Variants in KIF5B observed in about 807,000 individuals in gnomAD.
The protein encoded by KIF5B is kinesin-1 heavy chain.
KIF5B carries 49 observed loss-of-function variants against 132.8 expected under a neutral mutation model. The ratio of observed to expected loss-of-function variants is 0.37; its 90% CI spans 0.29 to 0.47. The LOEUF is 0.47. Ranked by LOEUF, KIF5B falls within the 20% of genes least tolerant of loss-of-function variation. The pLI, the probability that KIF5B is intolerant of heterozygous loss-of-function variation, is 1.00. For synonymous variants in KIF5B, 355 were observed against 369.4 expected (o/e 0.96, Z 0.45); for missense variants, 780 against 1,144.0 (o/e 0.68, Z 4.59).
intron 15 of KIF5B, among the ~76,000 whole-genome samples, chr10:32,026,367 G>A (rs556035303): frequency 5.7e-4 from 84 of 146,694 alleles, no homozygotes; most frequent in Non-Finnish European, 1.0e-3. Flanking sequence ...GAACCCGGGA[G>A]GCGGAGCTTG....
intron 4 of KIF5B, 36 bp downstream of exon 4, chr10:32,039,291 G>A: frequency 1.3e-6 from 1 of 762,754 alleles, no homozygotes; most frequent in Non-Finnish European, 2.2e-6. Flanking sequence ...TATTCTTGCT[G>A]TAAAATAAAA....
At chr10:32,016,254 C>T (rs1003781444) in intron 24 of KIF5B, among the ~76,000 whole-genome samples, 9 of 151,878 alleles carry the variant, frequency 5.9e-5, no homozygotes, top group Admixed American at 5.2e-4. Flanking sequence ...GTCAGGAGTA[C>T]GAGACCAGCC....
intron 14 of KIF5B, among the ~76,000 whole-genome samples, chr10:32,030,451 G>A (rs1186960567): frequency 1.3e-5 from 2 of 151,128 alleles, no homozygotes; most frequent in Non-Finnish European, 2.9e-5. Flanking sequence ...GGAGGCAGAG[G>A]ATGCAGTGAG....
chr10:32,027,972 C>T (rs568585808), intron 15 of KIF5B, among the ~76,000 whole-genome samples: 32 of 151,890 alleles, frequency 2.1e-4, no homozygotes, highest in African/African-American at 7.2e-4. Context: ...TTTTTAAGCA[C>T]GAATTTTTTT....
Position 32,018,115 on chromosome 10 carries a change from A to G in KIF5B, c.2481T>C (p.Ala827=). The change falls in exon 23 of 26, where the codon GCT becomes GCC. Residue 827 remains alanine (A), a synonymous_variant. Coordinates refer to ENST00000302418, the MANE Select transcript of KIF5B (RefSeq NM_004521.3). ...CAAGAAAGGAGATTTTTTGCTTCTG[A>G]GCAGCGCTGCCTCCGGTGTCATCAG... The part of the protein sequence containing the change: ...IDSDDTGGSA[A]QKQKISFLEN... 6.2e-7 allele frequency: 1 copy of G among 1,612,188 alleles called. No homozygotes were observed. The highest frequency in any genetic ancestry group is 1.3e-5 in the African/African-American group (1 of 74,964).
intron 8 of KIF5B, among the ~76,000 whole-genome samples, 170 bp downstream of exon 8, chr10:32,037,084 G>C (rs1229120942): frequency 2.6e-5 from 4 of 152,178 alleles, no homozygotes; most frequent in Non-Finnish European, 4.4e-5. Context: ...ACTTGGAACT[G>C]ATTATTCAGC....
chr10:32,045,437 C>T (rs1054829369), intron 2 of KIF5B, among the ~76,000 whole-genome samples: 1 of 152,068 alleles, frequency 6.6e-6, no homozygotes, highest in Non-Finnish European at 1.5e-5. Context: ...AACAGAACAA[C>T]AGAATAAACA....
intron 24 of KIF5B, among the ~76,000 whole-genome samples, chr10:32,016,621 A>C (rs1201930975): frequency 6.6e-6 from 1 of 151,876 alleles, no homozygotes; most frequent in African/African-American, 2.4e-5. Flanking sequence ...GGCTCATTGC[A>C]ATCTCCACTT....
At chr10:32,017,678 C>A (rs180847907) in intron 23 of KIF5B, among the ~76,000 whole-genome samples, 60 of 152,196 alleles carry the variant, frequency 3.9e-4, no homozygotes, top group African/African-American at 1.4e-3. Flanking sequence ...ATGAAAACTG[C>A]GTCATTATGT....
At position 32,056,216 on chromosome 10, in the gene KIF5B, G is replaced by A. The variant is rs934048349; in HGVS notation, c.-243C>T. The A allele has an allele frequency of 2.9e-5, 14 of 485,780 alleles. No individual in the cohort carries two copies. The highest frequency in any genetic ancestry group is 2.3e-4 in the African/African-American group (11 of 47,658). The allele number at this position is 485,780 out of a possible 1,614,324, so 30.1% of individuals were successfully genotyped here. ...TGGCAGCCATGGCGGCGGCAGCGGC[G>A]GCGGCACCGGGGAGAGCGTCCGCGG... On this transcript the variant is annotated 5_prime_UTR_variant, in exon 1 of 26. Coordinates refer to ENST00000302418, the MANE Select transcript of KIF5B (RefSeq NM_004521.3).
chr10:32,018,122 C>T lies in KIF5B; in HGVS notation c.2474G>A (p.Ser825Asn). 6.2e-7 allele frequency: 1 copy of T among 1,611,674 alleles called. No homozygotes were observed. The highest frequency in any genetic ancestry group is 8.5e-7 in the Non-Finnish European group (1 of 1,178,452). ...GGAGATTTTTTGCTTCTGAGCAGCG[C>T]TGCCTCCGGTGTCATCAGAATCAAT... is the stretch of plus-strand genomic sequence containing the variant. Reference protein sequence around the residue: ...AEIDSDDTGGSAAQKQKISFL... With the variant: ...AEIDSDDTGGNAAQKQKISFL... The change falls in exon 23 of 26, where the codon AGC becomes AAC. Residue 825 changes from serine (S) to asparagine (N), a missense_variant. Physicochemically the swap from Ser to Asn is conservative, Grantham distance 46 (BLOSUM62 1). This residue lies in a region of KIF5B where 471 missense variants were observed against 569.9 expected (regional missense o/e 0.83). Coordinates refer to ENST00000302418, the MANE Select transcript of KIF5B (RefSeq NM_004521.3).
At chr10:32,038,465 T>C (rs1490234759) in intron 5 of KIF5B, among the ~76,000 whole-genome samples, 1 of 152,194 alleles carries the variant, frequency 6.6e-6, no homozygotes, top group Non-Finnish European at 1.5e-5. Flanking sequence ...ACATTAACCC[T>C]GAATGGTTCA....
At chr10:32,024,714 G>A (rs982585890) in intron 15 of KIF5B, among the ~76,000 whole-genome samples, 3 of 151,588 alleles carry the variant, frequency 2.0e-5, no homozygotes, top group South Asian at 2.1e-4. Context: ...GCAGTGAGCC[G>A]AGATCATGCC....
At chr10:32,017,756 C>A (rs1271129770) in intron 23 of KIF5B, among the ~76,000 whole-genome samples, 2 of 152,186 alleles carry the variant, frequency 1.3e-5, no homozygotes, top group Non-Finnish European at 1.5e-5. Context: ...ACTTTAACTG[C>A]AGTCTTGTGT....
rs1564472798 is a variant in KIF5B at position 32,055,710 on chromosome 10, C to G, written c.126+138G>C. 8.3e-6 allele frequency: 10 copies of G among 1,207,234 alleles called. No individual in the cohort carries two copies. In the East Asian group the frequency reaches 2.6e-4, roughly 32 times the overall value. The allele number at this position is 1,207,234 out of a possible 1,614,324, so 74.8% of individuals were successfully genotyped here. A position where few individuals can be genotyped will look rare whatever the true frequency, so the allele number is the denominator to read the frequency against. ...GCGCAGTCTCCCTCCACTGGGTTAT[C>G]TGAACCGGCAAACCCCGCCGGGGAG... On this transcript the variant is annotated intron_variant, in intron 1 of 25. Coordinates refer to ENST00000302418, the MANE Select transcript of KIF5B (RefSeq NM_004521.3).
chr10:32,035,503 T>C lies in KIF5B; in HGVS notation c.962+19A>G. The C allele has an allele frequency of 6.3e-7, 1 of 1,594,986 alleles. No individual in the cohort carries two copies. ...AAGGTCTATCTAAATTTAGGTTTTG[T>C]ACTTTCTTAACAACAAACCTTTGGC... On this transcript the variant is annotated intron_variant, in intron 10 of 25. Coordinates refer to ENST00000302418, the MANE Select transcript of KIF5B (RefSeq NM_004521.3).
At chr10:32,027,115 G>T (rs546843032) in intron 15 of KIF5B, among the ~76,000 whole-genome samples, 1 of 152,302 alleles carries the variant, frequency 6.6e-6, no homozygotes, top group South Asian at 2.1e-4. Flanking sequence ...ATGGAAATGT[G>T]TACTCCATAT....
chr10:32,040,657 A>ACACACACACACCCC (rs370537671), intron 2 of KIF5B, among the ~76,000 whole-genome samples, 200 bp from the exon 3 acceptor site: 5 of 137,574 alleles, frequency 3.6e-5, no homozygotes, highest in Admixed American at 1.5e-4. Flanking sequence ...ACACACACAC[A>ACACACACACACCCC]CCCTCTTCCT....
intron 25 of KIF5B, 34 bp downstream of exon 25, chr10:32,015,475 A>G: frequency 1.4e-6 from 2 of 1,468,460 alleles, no homozygotes; most frequent in South Asian, 1.4e-5. Flanking sequence ...ATTTTCCACA[A>G]ACAGATATGA....
Sources: gnomAD v4.1 joint callset for allele counts (sites outside exome capture counted in the v4.1 genomes callset) on GRCh38, gnomAD v4.1.1 for gene constraint, gnomAD v4.1.1 regional missense constraint, MANE v1.5 for transcripts, NCBI Gene and HGNC (gene_info 2026-07-23, HGNC 2026-07-21) for gene names.